STXBP3: variants seen among roughly 807,000 people sequenced by gnomAD.
STXBP3 encodes syntaxin-binding protein 3.
Under a neutral mutation model 85.7 loss-of-function variants are expected in STXBP3, and 41 were observed. The observed-to-expected ratio is 0.48, with a 90% CI of 0.37 to 0.62. STXBP3 has a LOEUF of 0.62. Among genes scored for constraint, STXBP3 ranks in the 20% least tolerant of loss-of-function variants. The pLI is 0.00. For synonymous variants in STXBP3, 229 were observed against 231.7 expected, an observed-to-expected ratio of 0.99 and a Z score of 0.10; for missense variants, 563 against 703.1, an observed-to-expected ratio of 0.80 and a Z score of 2.25.
chr1:108,804,953 A>G (rs765177305), intron 17 of STXBP3, among the ~76,000 whole-genome samples: 2 of 152,320 alleles, frequency 1.3e-5, no homozygotes, highest in African/African-American at 4.8e-5. Flanking sequence ...CTTTTTACCA[A>G]TAGCCCTGGA....
chr1:108,800,272 G>A lies in STXBP3; in HGVS notation c.1502G>A (p.Cys501Tyr), dbSNP rs1164180774. ...AAAGAATGGCCATATTGTTCCCAGT[G>A]TCCAGCAGTATGGAATGGTTCAGGA... Reference protein sequence around the residue: ...DSKEWPYCSQCPAVWNGSGAV... With the variant: ...DSKEWPYCSQYPAVWNGSGAV... Residue 501 changes from cysteine to tyrosine, a missense_variant, in exon 17 of 19, where the codon TGT (cysteine) becomes TAT (tyrosine). This residue lies in a region of STXBP3 where 494 missense variants were observed against 592.8 expected (regional missense o/e 0.83). Transcript: ENST00000370008. 1 of 1,612,524 alleles carries A rather than the reference G, an allele frequency of 6.2e-7. No individual in the cohort carries two copies. Among genetic ancestry groups the A allele is most frequent in the South Asian group, 1.1e-5 (1 of 91,046 alleles).
intron 8 of STXBP3, among the ~76,000 whole-genome samples, chr1:108,778,887 C>T (rs1662652904): frequency 6.6e-6 from 1 of 152,120 alleles, no homozygotes; most frequent in African/African-American, 2.4e-5. Context: ...ACAGAACCTA[C>T]ATATCTGGAA....
At chr1:108,747,188 G>A (rs1661808900) in intron 1 of STXBP3, among the ~76,000 whole-genome samples, 1 of 151,358 alleles carries the variant, frequency 6.6e-6, no homozygotes, top group South Asian at 2.1e-4. Context: ...CAATTCGGGC[G>A]CTGTTTATTC....
rs773296749 is a variant in STXBP3 at position 108,782,537 on chromosome 1, T to C, written c.905+20T>C. The C allele has an allele frequency of 2.7e-5, 44 of 1,610,070 alleles. No individual in the cohort carries two copies. The highest frequency in any genetic ancestry group is 3.7e-5 in the Non-Finnish European group (44 of 1,178,240). The stretch of plus-strand genomic sequence containing the variant: ...GTTAGAGTATGTGAACTCATTTTAA[T>C]TTTTGTTCCATAATTTTTAGACACT... On this transcript the variant is annotated intron_variant, in intron 10 of 18. Transcript: ENST00000370008.
intron 11 of STXBP3, among the ~76,000 whole-genome samples, chr1:108,790,660 T>G (rs1173008812): frequency 6.6e-6 from 1 of 152,038 alleles, no homozygotes; most frequent in Non-Finnish European, 1.5e-5. Context: ...CAAGTCTTTT[T>G]TAAAAATAAA....
intron 12 of STXBP3, 32 bp from the exon 13 acceptor site, chr1:108,794,795 C>T (rs1370594020): frequency 1.3e-6 from 2 of 1,577,668 alleles, no homozygotes; most frequent in East Asian, 2.3e-5. Context: ...TCATTAAAAT[C>T]CTTTAAATGA....
rs1320423411 is a variant in STXBP3 at position 108,808,914 on chromosome 1, A to G, written c.*37A>G. ...GGAGGGTTTAGAGATTCTTACTAAT[A>G]TGTTGAACTAAAATAGAAAGAAAAT... is the stretch of plus-strand genomic sequence containing the variant. On this transcript the variant is annotated 3_prime_UTR_variant, in exon 19 of 19. Transcript: ENST00000370008. 1.5e-6 allele frequency: 2 copies of G among 1,364,986 alleles called. No homozygotes were observed. Among genetic ancestry groups the G allele is most frequent in the African/African-American group, 1.5e-5 (1 of 68,070 alleles). The allele number at this position is 1,364,986 out of a possible 1,614,324, so 84.6% of individuals were successfully genotyped here.
At chr1:108,783,871 G>C (rs1446084762) in intron 11 of STXBP3, among the ~76,000 whole-genome samples, 1 of 152,144 alleles carries the variant, frequency 6.6e-6, no homozygotes, top group Admixed American at 6.5e-5. Flanking sequence ...GCACGAGATG[G>C]TATCTTATTG....
chr1:108,756,762 C>T lies in STXBP3; in HGVS notation c.254C>T (p.Ser85Leu). 6.3e-7 allele frequency: 1 copy of T among 1,587,646 alleles called. No individual in the cohort carries two copies. The highest frequency in any genetic ancestry group is 1.3e-5 in the African/African-American group (1 of 74,324). ...MKALYFITPT[S>L]KSVDCFLHDF... The stretch of plus-strand genomic sequence containing the variant: ...GCTCTTTATTTCATCACTCCGACAT[C>T]AAAGGTGAGTATTTTGAGACCTTAA... The change falls in exon 4 of 19, where the codon TCA (serine) becomes TTA (leucine). Residue 85 changes from serine to leucine, a missense_variant. Around this residue, in one of 3 missense-constraint regions of STXBP3, gnomAD observed 32 missense variants for 70.6 expected, o/e 0.45. Coordinates refer to ENST00000370008, the MANE Select transcript of STXBP3 (RefSeq NM_007269.4).
chr1:108,794,183 C>T (rs1037461524), intron 12 of STXBP3, among the ~76,000 whole-genome samples: 1 of 152,148 alleles, frequency 6.6e-6, no homozygotes, highest in African/African-American at 2.4e-5. Context: ...GTATTTTTCT[C>T]ATGTTATTTT....
chr1:108,754,938 A>G (rs961036660), intron 3 of STXBP3, among the ~76,000 whole-genome samples: 1 of 152,132 alleles, frequency 6.6e-6, no homozygotes, highest in African/African-American at 2.4e-5. Context: ...CTTAAACTCA[A>G]AACAGTCCTT....
At chr1:108,800,395 C>G in intron 17 of STXBP3, 90 bp downstream of exon 17, 1 of 913,276 alleles carries the variant, frequency 1.1e-6, no homozygotes, top group South Asian at 1.5e-5. Flanking sequence ...TGGCAACTTT[C>G]TTTCAAGTAT....
chr1:108,761,157 C>G (rs981214998), intron 6 of STXBP3, among the ~76,000 whole-genome samples: 3 of 152,242 alleles, frequency 2.0e-5, no homozygotes, highest in East Asian at 3.9e-4. Context: ...CCAGTATCCT[C>G]GGCCTTCCCA....
intron 15 of STXBP3, among the ~76,000 whole-genome samples, chr1:108,797,049 C>T (rs1381568965): frequency 1.3e-5 from 2 of 151,762 alleles, no homozygotes; most frequent in East Asian, 3.9e-4. Flanking sequence ...TATATATTTT[C>T]TTGATTAAAA....
At chr1:108,800,194 A>G in intron 16 of STXBP3, 26 bp from the exon 17 acceptor site, 2 of 1,527,008 alleles carry the variant, frequency 1.3e-6, no homozygotes, top group Admixed American at 1.7e-5. Context: ...AATTTTATTG[A>G]TGGAATTAAC....
chr1:108,796,911 G>C (rs575837510), intron 15 of STXBP3, among the ~76,000 whole-genome samples, 185 bp downstream of exon 15: 13 of 151,808 alleles, frequency 8.6e-5, no homozygotes, highest in African/African-American at 2.9e-4. Context: ...GTTTTCTAGC[G>C]AATTTGTATT....
chr1:108,753,086 C>G lies in STXBP3; in HGVS notation c.123C>G (p.Thr41=). The change falls in exon 3 of 19, where the codon ACC becomes ACG. Residue 41 remains threonine (T), a synonymous_variant. Transcript: ENST00000370008. The stretch of plus-strand genomic sequence containing the variant: ...AGATAATGCTTTTAGATGAATTTAC[C>G]ACTAAGCTTTTGGCATCGTGTTGCA... The part of the protein sequence containing the change: ...EWKIMLLDEF[T]TKLLASCCKM... 4 of 1,585,040 alleles carry G rather than the reference C, an allele frequency of 2.5e-6. No individual in the cohort carries two copies. Among genetic ancestry groups the G allele is most frequent in the Non-Finnish European group, 3.4e-6 (4 of 1,167,242 alleles).
Position 108,780,728 on chromosome 1 carries a change from AT to A in STXBP3, c.809+1320del, listed in dbSNP as rs1485296929. ...GCAGCAGGAAGCTCTAAGTGTCCAG[AT>A]TCAAGTTTTCATGTTGGTGCCTTCT... is the stretch of plus-strand genomic sequence containing the variant. On this transcript the variant is annotated intron_variant, in intron 9 of 18. Coordinates refer to ENST00000370008, the MANE Select transcript of STXBP3 (RefSeq NM_007269.4). 3 of 149,960 alleles carry A rather than the reference AT, an allele frequency of 2.0e-5. No individual in the cohort carries two copies. In the East Asian group the frequency reaches 5.8e-4, roughly 29 times the overall value. The allele number at this position is 149,960 out of a possible 1,614,324, so 9.3% of individuals were successfully genotyped here.
chr1:108,802,621 C>T (rs961495369), intron 17 of STXBP3, among the ~76,000 whole-genome samples: 3 of 152,144 alleles, frequency 2.0e-5, no homozygotes, highest in South Asian at 4.1e-4. Flanking sequence ...TCACCACCAC[C>T]GTTCTTACCA....
Sources: gnomAD v4.1 joint callset for allele counts (sites outside exome capture counted in the v4.1 genomes callset) on GRCh38, gnomAD v4.1.1 for gene constraint, gnomAD v4.1.1 regional missense constraint, MANE v1.5 for transcripts, NCBI Gene and HGNC (gene_info 2026-07-23, HGNC 2026-07-21) for gene names.